The following THBS2 variants were observed in gnomAD, a reference collection of about 807,000 sequenced individuals.
The protein encoded by THBS2 is thrombospondin-2.
In THBS2, 47 loss-of-function variants were observed where a neutral mutation model predicts 135.2. That is an observed-to-expected ratio of 0.35 (90% CI 0.28 to 0.44). THBS2 has a LOEUF of 0.44. THBS2 is among the 20% of genes least tolerant of loss of function. The pLI is 1.00. For missense variants in THBS2, 1,288 were observed against 1,603.1 expected (o/e 0.80, Z 3.36); for synonymous variants, 639 against 633.8 (o/e 1.01, Z -0.12).
chr6:169,225,125 T>C lies in THBS2; in HGVS notation c.2773+20A>G, dbSNP rs773477679. 2 of 1,610,854 alleles carry C rather than the reference T, an allele frequency of 1.2e-6. No individual in the cohort carries two copies. Among genetic ancestry groups the C allele is most frequent in the South Asian group, 2.2e-5 (2 of 91,028 alleles). On this transcript the variant is annotated intron_variant, in intron 17 of 21. Coordinates refer to ENST00000617924, the MANE Select transcript of THBS2 (RefSeq NM_003247.5). ...CAGAAGCCATTTTCCTCCACGCCCATGAGCTGAGAGAGCACCCACCGTCCA... is the reference window on the plus strand; with the variant it reads ...CAGAAGCCATTTTCCTCCACGCCCACGAGCTGAGAGAGCACCCACCGTCCA...
At chr6:169,231,637 A>T (rs1779836672) in intron 13 of THBS2, among the ~76,000 whole-genome samples, 1 of 152,212 alleles carries the variant, frequency 6.6e-6, no homozygotes, top group South Asian at 2.1e-4. Flanking sequence ...CCTGCCTGAG[A>T]CACAATGGCC....
At chr6:169,238,054 G>A (rs532353505) in intron 7 of THBS2, among the ~76,000 whole-genome samples, 104 of 152,316 alleles carry the variant, frequency 6.8e-4, no homozygotes, top group Middle Eastern at 3.4e-3. Context: ...TACTATTAGG[G>A]TGCTGAGGGG....
intron 18 of THBS2, among the ~76,000 whole-genome samples, chr6:169,222,799 AAAAAAAAAG>A (rs1037228794): frequency 1.2e-4 from 11 of 89,354 alleles, no homozygotes; most frequent in South Asian, 6.4e-4. Flanking sequence ...CATCTCAAAA[AAAAAAAAAG>A]AAAAAAAAGA....
chr6:169,234,579 A>G (rs1779965014), intron 10 of THBS2, 155 bp downstream of exon 10: 2 of 791,658 alleles, frequency 2.5e-6, no homozygotes. Flanking sequence ...ATACAGGAGG[A>G]CTGAAACACA....
chr6:169,222,303 C>A lies in THBS2; in HGVS notation c.3167G>T (p.Arg1056Leu). The A allele has an allele frequency of 2.5e-6, 4 of 1,613,450 alleles. No individual in the cohort carries two copies. The South Asian group carries it at 4.4e-5, about 18-fold the overall frequency. Reference protein sequence around the residue: ...TQTYWEDQPTRAYGYSGVSLK... With the variant: ...TQTYWEDQPTLAYGYSGVSLK... Reference sequence around the variant, plus strand: ...GGACACGCCGGAGTAGCCATAGGCCCGCGTGGGCTGGTCCTCCCAGTAGGT... The same window carrying A: ...GGACACGCCGGAGTAGCCATAGGCCAGCGTGGGCTGGTCCTCCCAGTAGGT... The change falls in exon 19 of 22, where the codon CGG (arginine) becomes CTG (leucine). Residue 1056 changes from arginine (R) to leucine (L), a missense_variant. Physicochemically the swap from Arg to Leu is moderately radical, Grantham distance 102. This residue lies in a region of THBS2 where 874 missense variants were observed against 1,156.1 expected (regional missense o/e 0.76). Coordinates refer to ENST00000617924, the MANE Select transcript of THBS2 (RefSeq NM_003247.5).
chr6:169,227,173 G>A (rs1015784019), intron 15 of THBS2, among the ~76,000 whole-genome samples: 3 of 152,154 alleles, frequency 2.0e-5, no homozygotes, highest in Admixed American at 1.3e-4. Context: ...GGCTCAGAAA[G>A]GGGGTGGCTG....
intron 4 of THBS2, among the ~76,000 whole-genome samples, chr6:169,243,088 G>A (rs1179710490): frequency 2.0e-4 from 3 of 15,254 alleles, no homozygotes; most frequent in Admixed American, 1.7e-3. Flanking sequence ...CCTTCCCACT[G>A]CTCCCACCTT....
intron 5 of THBS2, 42 bp from the exon 6 acceptor site, chr6:169,240,634 T>C: frequency 1.9e-6 from 3 of 1,595,946 alleles, no homozygotes; most frequent in Non-Finnish European, 1.7e-6. Flanking sequence ...ACAATAATAC[T>C]ACATATTTAG....
At chr6:169,236,200 C>T (rs1215692207) in intron 9 of THBS2, among the ~76,000 whole-genome samples, 1 of 108,286 alleles carries the variant, frequency 9.2e-6, no homozygotes, top group Non-Finnish European at 1.9e-5. Context: ...ACACTCATTG[C>T]CCCATAAACA....
chr6:169,247,631 T>G (rs1780596802), intron 3 of THBS2, among the ~76,000 whole-genome samples: 1 of 152,094 alleles, frequency 6.6e-6, no homozygotes, highest in Non-Finnish European at 1.5e-5. Flanking sequence ...TGTGTTCACA[T>G]GTGTGTGGTG....
At chr6:169,242,060 C>T in intron 4 of THBS2, 102 bp from the exon 5 acceptor site, 1 of 1,350,218 alleles carries the variant, frequency 7.4e-7, no homozygotes, top group Non-Finnish European at 1.0e-6. Flanking sequence ...CCCGGAGCGG[C>T]CTGGTGCTGG....
In THBS2 at chr6:169,221,536, G is replaced by A. The variant is rs527885150; in HGVS notation, c.3274-9C>T. The A allele has an allele frequency of 1.5e-4, 248 of 1,613,620 alleles. 4 individuals carry two copies. In the South Asian group the frequency reaches 2.5e-3, roughly 17 times the overall value. ...TGCCATAAGGTTCGCACCTGAGAGA[G>A]AACATAGCACTCTTGAGTGCCATGG... On this transcript the variant is annotated splice_polypyrimidine_tract_variant and intron_variant, in intron 19 of 21. Coordinates refer to ENST00000617924, the MANE Select transcript of THBS2 (RefSeq NM_003247.5).
rs780798655 is a variant in THBS2, at chr6:169,226,292, A to T, written c.2426T>A (p.Phe809Tyr). The change falls in exon 16 of 22, where the codon TTC becomes TAC. Residue 809 changes from phenylalanine (F) to tyrosine (Y), a missense_variant. Transcript: ENST00000617924. Reference sequence around the variant, plus strand: ...GTAGGGACAATTGTCTCGTTCATTGAAGACATCTGTAAGTGTTTAAAGGGG... The same window carrying T: ...GTAGGGACAATTGTCTCGTTCATTGTAGACATCTGTAAGTGTTTAAAGGGG... ...CSVDIDGDDV[F>Y]NERDNCPYVY... 6.2e-7 allele frequency: 1 copy of T among 1,613,454 alleles called. No homozygotes were observed. The highest frequency in any genetic ancestry group is 8.5e-7 in the Non-Finnish European group (1 of 1,179,422).
intron 3 of THBS2, 152 bp from the exon 4 acceptor site, chr6:169,246,433 A>C: frequency 3.1e-6 from 2 of 651,512 alleles, no homozygotes; most frequent in Non-Finnish European, 5.3e-6. Context: ...CTTTATAATC[A>C]GTTTTTCTGT....
intron 15 of THBS2, among the ~76,000 whole-genome samples, chr6:169,226,606 A>G (rs77578620): frequency 0.014 from 2,198 of 152,292 alleles, 62 homozygotes; most frequent in African/African-American, 0.05. Context: ...AGCTTGCTAA[A>G]TTGCTTATTT....
chr6:169,245,627 C>T (rs879897209), intron 4 of THBS2, among the ~76,000 whole-genome samples: 1 of 151,938 alleles, frequency 6.6e-6, no homozygotes, highest in Non-Finnish European at 1.5e-5. Context: ...CCCATCTCTA[C>T]TAAAAATACA....
At chr6:169,237,381 C>T (rs1482977905) in intron 8 of THBS2, 35 bp from the exon 9 acceptor site, 20 of 1,611,002 alleles carry the variant, frequency 1.2e-5, no homozygotes, top group East Asian at 2.2e-5. Context: ...CAGGCTGTGC[C>T]GCCTAGAGGG....
intron 2 of THBS2, 32 bp from the exon 3 acceptor site, chr6:169,249,005 C>T (rs749025810): frequency 3.2e-6 from 5 of 1,566,054 alleles, no homozygotes; most frequent in Non-Finnish European, 4.3e-6. Flanking sequence ...AGAAGGGTGA[C>T]GTAGGGGAAG....
intron 13 of THBS2, among the ~76,000 whole-genome samples, chr6:169,231,361 C>G (rs1779826425): frequency 6.6e-6 from 1 of 152,216 alleles, no homozygotes; most frequent in African/African-American, 2.4e-5. Context: ...GCCAGAGAAG[C>G]TGGGAGAAGC....
Sources: gnomAD v4.1 joint callset for allele counts (sites outside exome capture counted in the v4.1 genomes callset) on GRCh38, gnomAD v4.1.1 for gene constraint, gnomAD v4.1.1 regional missense constraint, MANE v1.5 for transcripts, NCBI Gene and HGNC (gene_info 2026-07-23, HGNC 2026-07-21) for gene names.